Variants in MBOAT1 observed in about 807,000 individuals in gnomAD.
MBOAT1 encodes membrane-bound glycerophospholipid O-acyltransferase 1.
A neutral mutation model predicts 64.4 loss-of-function variants in MBOAT1; 67 were observed. The observed-to-expected ratio is 1.04, with a 90% CI of 0.85 to 1.27. The LOEUF (loss-of-function observed/expected upper bound fraction) is 1.27, where lower values mean the gene tolerates loss of function less well. Ranked by LOEUF, MBOAT1 falls within the 50% of genes most tolerant of loss-of-function variation. MBOAT1 has a pLI of 0.00. For missense variants in MBOAT1, 563 were observed against 604.6 expected, an observed-to-expected ratio of 0.93 and a Z score of 0.72; for synonymous variants, 229 against 218.9, an observed-to-expected ratio of 1.05 and a Z score of -0.41.
chr6:20,192,246 A>C (rs1364125527), intron 1 of MBOAT1, among the ~76,000 whole-genome samples: 1 of 151,898 alleles, frequency 6.6e-6, no homozygotes, highest in Non-Finnish European at 1.5e-5. Context: ...ACAGTCAAAA[A>C]TTTTTTTCTT....
intron 1 of MBOAT1, among the ~76,000 whole-genome samples, chr6:20,202,520 A>G (rs1327811513): frequency 1.3e-5 from 2 of 152,200 alleles, no homozygotes; most frequent in East Asian, 3.8e-4. Context: ...ACTAAACCAT[A>G]AAAGAAGATT....
intron 1 of MBOAT1, among the ~76,000 whole-genome samples, chr6:20,159,992 G>C (rs375105496): frequency 2.6e-5 from 4 of 152,196 alleles, no homozygotes; most frequent in South Asian, 4.1e-4. Context: ...TGAGGGGACA[G>C]TAGAGCACAG....
intron 6 of MBOAT1, among the ~76,000 whole-genome samples, chr6:20,127,076 T>C (rs1760675785): frequency 6.6e-6 from 1 of 152,114 alleles, no homozygotes; most frequent in African/African-American, 2.4e-5. Context: ...TGTTAGCGGA[T>C]CGAGATGCTT....
intron 4 of MBOAT1, among the ~76,000 whole-genome samples, chr6:20,131,431 C>T (rs978491629): frequency 1.3e-5 from 2 of 152,208 alleles, no homozygotes; most frequent in African/African-American, 2.4e-5. Flanking sequence ...TTCCCCCTCT[C>T]CCTTCACTCT....
At chr6:20,202,796 A>C (rs1482064366) in intron 1 of MBOAT1, among the ~76,000 whole-genome samples, 1 of 152,182 alleles carries the variant, frequency 6.6e-6, no homozygotes, top group South Asian at 2.1e-4. Context: ...TGCCTGGCAA[A>C]ACTACTAGAA....
intron 4 of MBOAT1, among the ~76,000 whole-genome samples, chr6:20,135,621 C>G (rs563395708): frequency 6.6e-6 from 1 of 152,298 alleles, no homozygotes; most frequent in South Asian, 2.1e-4. Flanking sequence ...ACCCAGACAT[C>G]GGTTATTGGT....
chr6:20,166,930 C>A (rs1762031477), intron 1 of MBOAT1, among the ~76,000 whole-genome samples: 2 of 151,034 alleles, frequency 1.3e-5, no homozygotes, highest in East Asian at 1.9e-4. Context: ...CAGAGTGAGA[C>A]CCTGTCACGA....
chr6:20,135,909 C>T (rs1416441786), intron 4 of MBOAT1, among the ~76,000 whole-genome samples: 1 of 152,218 alleles, frequency 6.6e-6, no homozygotes, highest in Non-Finnish European at 1.5e-5. Context: ...TCTCGCACAA[C>T]TCCAGTGGGT....
intron 8 of MBOAT1, among the ~76,000 whole-genome samples, chr6:20,123,749 GA>G (rs939861315): frequency 6.6e-5 from 10 of 152,158 alleles, no homozygotes; most frequent in African/African-American, 2.4e-4. Context: ...ATAAAACCCA[GA>G]AAAACTACAA....
intron 1 of MBOAT1, among the ~76,000 whole-genome samples, chr6:20,173,776 C>A (rs936823723): frequency 2.6e-5 from 4 of 152,086 alleles, no homozygotes; most frequent in African/African-American, 7.2e-5. Context: ...CATGATGAAA[C>A]CCTGTCTCTA....
intron 1 of MBOAT1, among the ~76,000 whole-genome samples, chr6:20,168,843 G>A (rs964232892): frequency 6.7e-6 from 1 of 150,008 alleles, no homozygotes; most frequent in Non-Finnish European, 1.5e-5. Flanking sequence ...CAGGAGAGGA[G>A]AGGGGAGTGT....
chr6:20,154,953 C>G (rs1389004537), intron 1 of MBOAT1, among the ~76,000 whole-genome samples: 2 of 152,220 alleles, frequency 1.3e-5, no homozygotes, highest in Non-Finnish European at 2.9e-5. Flanking sequence ...CATTCAACAT[C>G]CAATGGCAAC....
At chr6:20,181,241 C>T (rs1762499480) in intron 1 of MBOAT1, among the ~76,000 whole-genome samples, 1 of 152,164 alleles carries the variant, frequency 6.6e-6, no homozygotes, top group Non-Finnish European at 1.5e-5. Flanking sequence ...ATGAGGAAGC[C>T]CAGGCCACCT....
intron 6 of MBOAT1, 61 bp from the exon 7 acceptor site, chr6:20,126,761 G>T: frequency 8.2e-7 from 1 of 1,222,092 alleles, no homozygotes; most frequent in Non-Finnish European, 1.2e-6. Context: ...TTCAGAATCT[G>T]TAAATAAGCA....
chr6:20,106,210 TAA>T (rs1191222300), intron 12 of MBOAT1, among the ~76,000 whole-genome samples: 1 of 152,240 alleles, frequency 6.6e-6, no homozygotes, highest in Non-Finnish European at 1.5e-5. Context: ...GGGATTTTCT[TAA>T]AAGATTATGA....
intron 12 of MBOAT1, among the ~76,000 whole-genome samples, chr6:20,105,058 G>A (rs1759911073): frequency 6.6e-6 from 1 of 152,192 alleles, no homozygotes. Flanking sequence ...TGGAAAAAGT[G>A]CTCCACAGAT....
At chr6:20,164,475 A>G (rs886648162) in intron 1 of MBOAT1, among the ~76,000 whole-genome samples, 7 of 152,232 alleles carry the variant, frequency 4.6e-5, no homozygotes, top group Admixed American at 4.6e-4. Context: ...GATAGGCTAC[A>G]AAGTGTACAG....
In MBOAT1 at chr6:20,134,760, C is replaced by T. The variant is rs7745690; in HGVS notation, c.420-3561G>A. ...ACAGATCTGATATGAAAATGTACTT[C>T]GCCCAAGTTACTAAGACTTGAGAAT... On this transcript the variant is annotated intron_variant, in intron 4 of 12. Coordinates refer to ENST00000324607, the MANE Select transcript of MBOAT1 (RefSeq NM_001080480.3). Among the ~76,000 whole-genome samples, 1,065 of 152,242 alleles carry T rather than the reference C, an allele frequency of 7.0e-3. 6 individuals are homozygous for T. The highest frequency in any genetic ancestry group is 0.024 in the African/African-American group (998 of 41,550).
chr6:20,126,190 G>A (rs368034746), intron 7 of MBOAT1, among the ~76,000 whole-genome samples: 19 of 152,164 alleles, frequency 1.2e-4, no homozygotes, highest in African/African-American at 4.3e-4. Context: ...TCTTTTGGCT[G>A]TACTTGAATT....
Sources: allele counts gnomAD v4.1 joint callset (sites outside exome capture counted in the v4.1 genomes callset), GRCh38; gene constraint gnomAD v4.1.1; transcripts MANE v1.5; gene names NCBI Gene and HGNC (gene_info 2026-07-23, HGNC 2026-07-21).